Variants in ATF2 observed in about 807,000 individuals in gnomAD.
ATF2 encodes activating transcription factor 2.
ATF2 carries 24 observed loss-of-function variants against 60.6 expected under a neutral mutation model. The ratio of observed to expected loss-of-function variants is 0.40; its 90% CI spans 0.29 to 0.56. The LOEUF (loss-of-function observed/expected upper bound fraction) is 0.56, where lower values mean the gene tolerates loss of function less well. ATF2 is among the 20% of genes least tolerant of loss of function. The pLI, the probability that ATF2 is intolerant of heterozygous loss-of-function variation, is 0.54. For missense variants in ATF2, 433 were observed against 607.7 expected, an observed-to-expected ratio of 0.71 and a Z score of 3.02; for synonymous variants, 206 against 215.4, an observed-to-expected ratio of 0.96 and a Z score of 0.38.
At chr2:175,097,304 C>T in intron 11 of ATF2, 140 bp downstream of exon 11, 1 of 1,188,280 alleles carries the variant, frequency 8.4e-7, no homozygotes, top group Non-Finnish European at 1.2e-6. Flanking sequence ...GTATACTGAG[C>T]TACCTTTTCC....
intron 12 of ATF2, among the ~76,000 whole-genome samples, chr2:175,085,915 TTTTAA>T (rs1337830791): frequency 1.3e-5 from 2 of 152,216 alleles, no homozygotes; most frequent in Admixed American, 6.6e-5. Context: ...TTCTTTTATT[TTTTAA>T]TTTGTTACTC....
Position 175,074,529 on chromosome 2 carries a change from T to G in ATF2, c.*80A>C. 1.4e-6 allele frequency: 2 copies of G among 1,458,264 alleles called. No homozygotes were observed. Among genetic ancestry groups the G allele is most frequent in the Non-Finnish European group, 1.8e-6 (2 of 1,093,848 alleles). The allele number at this position is 1,458,264 out of a possible 1,614,324, so 90.3% of individuals were successfully genotyped here. On this transcript the variant is annotated 3_prime_UTR_variant, in exon 14 of 14. Coordinates refer to ENST00000264110, the MANE Select transcript of ATF2 (RefSeq NM_001880.4). ...AAAATTTACAACCACAGATTTCGCA[T>G]AAATGGAAACTGGTCTTTCCTTGAT...
chr2:175,108,834 T>C (rs1695954555), intron 10 of ATF2, among the ~76,000 whole-genome samples: 1 of 152,134 alleles, frequency 6.6e-6, no homozygotes, highest in African/African-American at 2.4e-5. Context: ...CTAAGAAAAA[T>C]TCCTCTGCCT....
intron 12 of ATF2, among the ~76,000 whole-genome samples, chr2:175,087,094 A>G (rs1045668450): frequency 6.6e-6 from 1 of 152,148 alleles, no homozygotes; most frequent in African/African-American, 2.4e-5. Context: ...ACCTCTTACT[A>G]TTTTGTGGAT....
intron 10 of ATF2, among the ~76,000 whole-genome samples, chr2:175,101,874 T>C (rs1227972291): frequency 5.9e-5 from 9 of 152,116 alleles, no homozygotes; most frequent in Admixed American, 5.9e-4. Context: ...ATTTTAAGGG[T>C]TAATTAACAC....
chr2:175,092,960 T>A, intron 12 of ATF2, 101 bp downstream of exon 12: 1 of 1,219,754 alleles, frequency 8.2e-7, no homozygotes, highest in Non-Finnish European at 1.2e-6. Context: ...ACACCCAATA[T>A]CATGTCCTAA....
intron 4 of ATF2, among the ~76,000 whole-genome samples, 153 bp from the exon 5 acceptor site, chr2:175,121,693 T>C (rs962851483): frequency 1.3e-5 from 2 of 151,494 alleles, no homozygotes; most frequent in Admixed American, 1.3e-4. Context: ...TGTTAGTAGA[T>C]AGCACACTAG....
At position 175,073,188 on chromosome 2, in the gene ATF2, T is replaced by C. The variant is rs574295088; in HGVS notation, c.*1421A>G. On this transcript the variant is annotated 3_prime_UTR_variant, in exon 14 of 14. Transcript: ENST00000264110. ...TAAAATTTTATGTTTAACAATTTAT[T>C]CTATTTTAAAATATGTACTGTATTT... 4 of 152,284 alleles carry C rather than the reference T, an allele frequency of 2.6e-5. No individual in the cohort carries two copies. The East Asian group carries it at 7.7e-4, about 29-fold the overall frequency. 9.4% of individuals were successfully genotyped at this position (152,284 alleles called of 1,614,324 possible).
intron 7 of ATF2, among the ~76,000 whole-genome samples, chr2:175,117,033 T>C (rs1284078717): frequency 2.0e-5 from 3 of 152,002 alleles, no homozygotes; most frequent in African/African-American, 4.8e-5. Context: ...CTAGGATCTT[T>C]ATATCCATCT....
intron 2 of ATF2, among the ~76,000 whole-genome samples, chr2:175,143,590 A>G (rs1485332145): frequency 6.6e-6 from 1 of 152,210 alleles, no homozygotes; most frequent in Non-Finnish European, 1.5e-5. Flanking sequence ...CCAAATATAC[A>G]GTATTGATTT....
intron 1 of ATF2, among the ~76,000 whole-genome samples, chr2:175,160,445 C>T (rs903446577): frequency 6.6e-6 from 1 of 152,178 alleles, no homozygotes; most frequent in East Asian, 1.9e-4. Context: ...GATAAGCTCA[C>T]CTCTTTCTTC....
chr2:175,142,845 T>C (rs113388474), intron 2 of ATF2, among the ~76,000 whole-genome samples: 74 of 151,476 alleles, frequency 4.9e-4, no homozygotes, highest in Non-Finnish European at 9.9e-4. Flanking sequence ...AGTGTGTGTG[T>C]GTGTCTGTGT....
At chr2:175,110,844 G>A (rs1023087719) in intron 10 of ATF2, among the ~76,000 whole-genome samples, 3 of 152,112 alleles carry the variant, frequency 2.0e-5, no homozygotes, top group Non-Finnish European at 4.4e-5. Context: ...GACCTTAGGT[G>A]ATCTGCTCAC....
chr2:175,080,820 T>C, intron 12 of ATF2, 55 bp from the exon 13 acceptor site: 4 of 1,399,716 alleles, frequency 2.9e-6, no homozygotes, highest in South Asian at 2.5e-5. Flanking sequence ...TTTTTTACTA[T>C]TTAAAACAAG....
intron 4 of ATF2, among the ~76,000 whole-genome samples, chr2:175,122,516 C>T (rs1697033996): frequency 6.6e-6 from 1 of 152,010 alleles, no homozygotes; most frequent in South Asian, 2.1e-4. Context: ...TGGTCTCCTT[C>T]CCCTACCCAA....
At chr2:175,124,043 A>AT (rs900612566) in intron 4 of ATF2, among the ~76,000 whole-genome samples, 2 of 150,374 alleles carry the variant, frequency 1.3e-5, no homozygotes, top group African/African-American at 2.4e-5. Context: ...TGCAAGCTAA[A>AT]TTTTTTTACA....
chr2:175,136,784 T>C (rs745399492), intron 2 of ATF2, among the ~76,000 whole-genome samples: 8 of 152,202 alleles, frequency 5.3e-5, no homozygotes, highest in Non-Finnish European at 1.0e-4. Flanking sequence ...AAAAAAATCC[T>C]TACTTTGAAC....
At chr2:175,121,713 A>T (rs569067512) in intron 4 of ATF2, among the ~76,000 whole-genome samples, 173 bp from the exon 5 acceptor site, 1 of 151,728 alleles carries the variant, frequency 6.6e-6, no homozygotes, top group Admixed American at 6.6e-5. Flanking sequence ...GATTGCAAAC[A>T]ATCACAGAGA....
chr2:175,085,637 C>T (rs964918212), intron 12 of ATF2, among the ~76,000 whole-genome samples: 8 of 150,942 alleles, frequency 5.3e-5, no homozygotes, highest in Non-Finnish European at 1.0e-4. Flanking sequence ...AACTGATGAA[C>T]AGGACATCAA....
Sources: allele counts gnomAD v4.1 joint callset (sites outside exome capture counted in the v4.1 genomes callset), GRCh38; gene constraint gnomAD v4.1.1; transcripts MANE v1.5; gene names NCBI Gene and HGNC (gene_info 2026-07-23, HGNC 2026-07-21).